Variants in GSE1 observed in about 807,000 individuals in gnomAD.
GSE1 encodes genetic suppressor element 1.
Under a neutral mutation model 112.6 loss-of-function variants are expected in GSE1, and 32 were observed. That is an observed-to-expected ratio of 0.28 (90% confidence interval 0.21 to 0.38). GSE1 has a LOEUF of 0.38. Among genes scored for constraint, GSE1 ranks in the 10% least tolerant of loss-of-function variants. The pLI is 1.00. For missense variants in GSE1, 2,348 were observed against 1,699.2 expected, an observed-to-expected ratio of 1.38 and a Z score of -6.71; for synonymous variants, 1,115 against 735.6, an observed-to-expected ratio of 1.52 and a Z score of -8.35.
chr16:85,262,993 G>C (rs1907862959), intron 1 of GSE1, among the ~76,000 whole-genome samples: 1 of 152,230 alleles, frequency 6.6e-6, no homozygotes, highest in African/African-American at 2.4e-5. Flanking sequence ...TTCTAGCAGG[G>C]AAGGAGACAG....
intron 2 of GSE1, among the ~76,000 whole-genome samples, chr16:85,634,993 C>T (rs2049868812): frequency 6.6e-6 from 1 of 152,182 alleles, no homozygotes; most frequent in African/African-American, 2.4e-5. Flanking sequence ...GCATCCGCTT[C>T]ATTCACCTCC....
intron 2 of GSE1, among the ~76,000 whole-genome samples, chr16:85,515,368 C>G (rs1208085813): frequency 6.6e-6 from 1 of 152,240 alleles, no homozygotes. Context: ...GTGGGGCTTC[C>G]GTGCTCAGCA....
chr16:85,396,982 G>C (rs933609258), intron 2 of GSE1, among the ~76,000 whole-genome samples: 2 of 152,212 alleles, frequency 1.3e-5, no homozygotes, highest in Admixed American at 6.5e-5. Flanking sequence ...CAGAGAGAGA[G>C]AGCAAACGTG....
At chr16:85,340,193 GA>G (rs933384130) in intron 1 of GSE1, among the ~76,000 whole-genome samples, 2 of 151,910 alleles carry the variant, frequency 1.3e-5, no homozygotes, top group African/African-American at 4.8e-5. Flanking sequence ...ACAAAATATA[GA>G]AAAAAATTAG....
At chr16:85,261,100 G>C (rs905817068) in intron 1 of GSE1, among the ~76,000 whole-genome samples, 3 of 152,220 alleles carry the variant, frequency 2.0e-5, no homozygotes, top group African/African-American at 7.2e-5. Flanking sequence ...TAAGTGATCA[G>C]CCCTTACCAC....
intron 2 of GSE1, among the ~76,000 whole-genome samples, chr16:85,486,774 C>A (rs2050856138): frequency 6.6e-6 from 1 of 152,196 alleles, no homozygotes; most frequent in Non-Finnish European, 1.5e-5. Context: ...GGGGGTTCCC[C>A]CAGCCCCCCG....
chr16:85,374,537 TGTGTGTGCGC>T (rs1468322368), intron 2 of GSE1, among the ~76,000 whole-genome samples: 1 of 20,912 alleles, frequency 4.8e-5, no homozygotes, highest in Non-Finnish European at 7.0e-4. Flanking sequence ...TGTGTGTGTG[TGTGTGTGCGC>T]GCGCGCGTGC....
At chr16:85,384,853 G>T (rs2047650481) in intron 2 of GSE1, among the ~76,000 whole-genome samples, 1 of 152,222 alleles carries the variant, frequency 6.6e-6, no homozygotes, top group South Asian at 2.1e-4. Flanking sequence ...GAGCAGGCCT[G>T]TCCGAGTCTT....
At chr16:85,299,779 A>G (rs1476201224) in intron 1 of GSE1, among the ~76,000 whole-genome samples, 1 of 152,030 alleles carries the variant, frequency 6.6e-6, no homozygotes, top group East Asian at 1.9e-4. Flanking sequence ...AATTTTAAAA[A>G]TAAGAAAAAA....
At chr16:85,182,837 G>A (rs1311288824) in intron 1 of GSE1, among the ~76,000 whole-genome samples, 3 of 151,966 alleles carry the variant, frequency 2.0e-5, no homozygotes, top group African/African-American at 7.3e-5. Flanking sequence ...TCCACAGGGT[G>A]GGGTAGTTTT....
At chr16:85,282,331 G>A (rs191245039) in intron 1 of GSE1, among the ~76,000 whole-genome samples, 1 of 152,152 alleles carries the variant, frequency 6.6e-6, no homozygotes, top group African/African-American at 2.4e-5. Context: ...CGGCTGGGTT[G>A]CTGTGTTTTC....
In GSE1 at chr16:85,348,657, C is replaced by G. The variant is rs538192355; in HGVS notation, c.2284-8806C>G. ...TCTGCCCACTTTCTGTCCGCTCAGC[C>G]TCAGTTTTCCCATCTATAAAATGGG... On this transcript the variant is annotated intron_variant, in intron 1 of 2. Transcript: ENST00000637419. Among the ~76,000 whole-genome samples the G allele has an allele frequency of 3.3e-5, 5 of 152,302 alleles. No homozygotes were observed. The South Asian group carries it at 1.0e-3, about 32-fold the overall frequency.
chr16:85,313,524 C>G (rs114438507), intron 1 of GSE1, among the ~76,000 whole-genome samples: 7,317 of 152,196 alleles, frequency 0.048, 602 homozygotes, highest in African/African-American at 0.17. Context: ...ATTACCACCC[C>G]CCACCCCCCT....
chr16:85,522,575 A>C (rs1313193086), intron 2 of GSE1, among the ~76,000 whole-genome samples: 2 of 152,212 alleles, frequency 1.3e-5, no homozygotes, highest in Non-Finnish European at 2.9e-5. Flanking sequence ...TGTGGCTCAC[A>C]AAGTGGGGAT....
chr16:85,347,103 G>T (rs1297873180), intron 1 of GSE1, among the ~76,000 whole-genome samples: 1 of 152,268 alleles, frequency 6.6e-6, no homozygotes, highest in Middle Eastern at 3.4e-3. Context: ...GCTCGGTGGT[G>T]TTGAGAGCTG....
exon 1 of GSE1, chr16:85,170,414 C>G: frequency 1.0e-6 from 1 of 985,564 alleles, no homozygotes; most frequent in Non-Finnish European, 1.2e-6. Context: ...GGGCCTCCCT[C>G]TGGCAGAGCC....
At chr16:85,258,724 G>A (rs144287408) in intron 1 of GSE1, among the ~76,000 whole-genome samples, 284 of 152,296 alleles carry the variant, frequency 1.9e-3, no homozygotes, top group African/African-American at 6.3e-3. Flanking sequence ...ACCGCCCAGC[G>A]GGGTCACCAT....
chr16:85,538,668 G>A (rs1447753412), intron 2 of GSE1, among the ~76,000 whole-genome samples: 4 of 152,148 alleles, frequency 2.6e-5, no homozygotes, highest in Non-Finnish European at 5.9e-5. Context: ...GGGAGGAAGT[G>A]GAGGAGGAGA....
chr16:85,620,123 AAAAAT>A, intron 1 of GSE1, among the ~76,000 whole-genome samples: 1 of 152,220 alleles, frequency 6.6e-6, no homozygotes, highest in Admixed American at 6.5e-5. Flanking sequence ...AAATAAAAAT[AAAAAT>A]AAAAAGAACT....
Sources: gnomAD v4.1 joint callset for allele counts (sites outside exome capture counted in the v4.1 genomes callset) on GRCh38, gnomAD v4.1.1 for gene constraint, MANE v1.5 for transcripts, NCBI Gene and HGNC (gene_info 2026-07-23, HGNC 2026-07-21) for gene names.